Variants in ADGRA3 observed in about 807,000 individuals in gnomAD.
The protein encoded by ADGRA3 is adhesion G protein-coupled receptor A3, also known as G-protein coupled receptor 125.
ADGRA3 carries 56 observed loss-of-function variants against 119.8 expected under a neutral mutation model. The ratio of observed to expected loss-of-function variants is 0.47; its 90% CI spans 0.38 to 0.58. The LOEUF (loss-of-function observed/expected upper bound fraction) is 0.58. ADGRA3 is among the 20% of genes least tolerant of loss of function. The probability of loss-of-function intolerance (pLI) is 0.00; values close to 1 mark genes in which losing one functional copy is unlikely to be tolerated. For synonymous variants in ADGRA3, 607 were observed against 623.8 expected, an observed-to-expected ratio of 0.97 and a Z score of 0.40; for missense variants, 1,516 against 1,649.0, an observed-to-expected ratio of 0.92 and a Z score of 1.40.
At chr4:22,448,196 G>A (rs1161761933) in intron 4 of ADGRA3, among the ~76,000 whole-genome samples, 5 of 152,146 alleles carry the variant, frequency 3.3e-5, no homozygotes, top group East Asian at 1.9e-4. Flanking sequence ...CTTTCATACC[G>A]GACGATGAGC....
intron 11 of ADGRA3, among the ~76,000 whole-genome samples, chr4:22,423,126 C>T (rs796442397): frequency 3.3e-5 from 5 of 151,740 alleles, no homozygotes; most frequent in Non-Finnish European, 5.9e-5. Context: ...ACACGGGTGG[C>T]GGAGGCTGCA....
At chr4:22,448,450 CT>C (rs1716907576) in intron 4 of ADGRA3, among the ~76,000 whole-genome samples, 1 of 152,106 alleles carries the variant, frequency 6.6e-6, no homozygotes, top group Non-Finnish European at 1.5e-5. Flanking sequence ...ACCTAAAGTT[CT>C]AGAAATGAGG....
Position 22,482,532 on chromosome 4 carries a change from G to A in ADGRA3, c.258-8689C>T, listed in dbSNP as rs73114139. 6.6e-3 allele frequency among the ~76,000 whole-genome samples: 997 copies of A among 151,742 alleles called. 7 individuals carry two copies. Among genetic ancestry groups the A allele is most frequent in the African/African-American group, 0.023 (933 of 41,392 alleles). ...GTAAAGACAACAGCCAGGCATGGTA[G>A]TGTGAGCATGTAGTCCTGGCTCCTT... On this transcript the variant is annotated intron_variant, in intron 1 of 18. Transcript: ENST00000334304.
intron 15 of ADGRA3, 131 bp from the exon 16 acceptor site, chr4:22,401,685 A>G: frequency 3.5e-6 from 2 of 568,068 alleles, no homozygotes; most frequent in South Asian, 5.1e-5. Flanking sequence ...TAACAAACAT[A>G]TACTACCAGA....
intron 3 of ADGRA3, among the ~76,000 whole-genome samples, chr4:22,459,662 G>A (rs536262297): frequency 1.2e-4 from 18 of 151,512 alleles, no homozygotes; most frequent in African/African-American, 3.6e-4. Context: ...ACACACACTG[G>A]AGGCGGAAAA....
At chr4:22,425,470 A>G (rs1715893179) in intron 10 of ADGRA3, among the ~76,000 whole-genome samples, 1 of 152,222 alleles carries the variant, frequency 6.6e-6, no homozygotes, top group Admixed American at 6.5e-5. Context: ...TGAACCGTCT[A>G]GGGCTAATGA....
chr4:22,438,539 T>C (rs1296240081), intron 7 of ADGRA3, 119 bp from the exon 8 acceptor site: 4 of 725,094 alleles, frequency 5.5e-6, no homozygotes, highest in Non-Finnish European at 8.8e-6. Flanking sequence ...GGGTAAGCAC[T>C]TGCTATATAA....
At chr4:22,447,111 G>T (rs1033311733) in intron 5 of ADGRA3, among the ~76,000 whole-genome samples, 1 of 151,710 alleles carries the variant, frequency 6.6e-6, no homozygotes, top group Non-Finnish European at 1.5e-5. Flanking sequence ...CATAGGAAGG[G>T]TTATTTTATA....
intron 1 of ADGRA3, among the ~76,000 whole-genome samples, chr4:22,505,658 A>G (rs1332562397): frequency 6.6e-6 from 1 of 151,974 alleles, no homozygotes; most frequent in African/African-American, 2.4e-5. Context: ...AAAAAAAAAA[A>G]AAAAGAATTT....
In ADGRA3 at chr4:22,388,504, G is replaced by T. The variant is rs200161840; in HGVS notation, c.3167C>A (p.Ala1056Glu). Residue 1056 changes from alanine to glutamate, a missense_variant, in exon 19 of 19, where the codon GCG becomes GAG. Coordinates refer to ENST00000334304, the MANE Select transcript of ADGRA3 (RefSeq NM_145290.4). Reference protein sequence around the residue: ...HCVNREDVRLAWIMTCCPGRS... With the variant: ...HCVNREDVRLEWIMTCCPGRS... The stretch of plus-strand genomic sequence containing the variant: ...TCCTGGGCAGCAAGTCATGATCCAC[G>T]CAAGTCTAACATCCTCCCTATTAAC... The T allele has an allele frequency of 1.9e-6, 3 of 1,614,064 alleles. No homozygotes were observed. Among genetic ancestry groups the T allele is most frequent in the Non-Finnish European group, 2.5e-6 (3 of 1,179,988 alleles).
chr4:22,505,579 G>T (rs1211918166), intron 1 of ADGRA3, among the ~76,000 whole-genome samples: 1 of 151,726 alleles, frequency 6.6e-6, no homozygotes, highest in South Asian at 2.1e-4. Context: ...CCCGGGAGAC[G>T]GAGGTTGCAG....
chr4:22,508,824 A>G (rs942322548), intron 1 of ADGRA3, among the ~76,000 whole-genome samples: 9 of 152,180 alleles, frequency 5.9e-5, no homozygotes, highest in African/African-American at 1.9e-4. Context: ...CTTTTCTGCA[A>G]TCCCCAGTAG....
At chr4:22,428,749 T>A (rs187416512) in intron 10 of ADGRA3, among the ~76,000 whole-genome samples, 3 of 152,328 alleles carry the variant, frequency 2.0e-5, no homozygotes, top group Admixed American at 2.0e-4. Context: ...TTTAAAAGTG[T>A]ATTTGTCACT....
Position 22,436,560 on chromosome 4 carries a change from G to A in ADGRA3, c.1167C>T (p.Asn389=). 1 of 1,613,966 alleles carries A rather than the reference G, an allele frequency of 6.2e-7. No individual in the cohort carries two copies. The highest frequency in any genetic ancestry group is 8.5e-7 in the Non-Finnish European group (1 of 1,179,960). The change falls in exon 9 of 19, where the codon AAC becomes AAT. Residue 389 remains asparagine (N), a synonymous_variant. Transcript: ENST00000334304. ...NTHGSGIYPG[N]PQDERKAWRR... ...GCCAAGCTTTTCTCTCATCCTGTGG[G>A]TTTCCGGGATATATCCCACTGCCAT... is the stretch of plus-strand genomic sequence containing the variant.
chr4:22,495,337 T>G (rs73802837), intron 1 of ADGRA3, among the ~76,000 whole-genome samples: 4,816 of 151,992 alleles, frequency 0.032, 337 homozygotes, highest in African/African-American at 0.11. Context: ...ACATTGAGAG[T>G]CGGATCGCAG....
chr4:22,460,905 G>C (rs1056080144), intron 3 of ADGRA3, among the ~76,000 whole-genome samples: 1 of 152,212 alleles, frequency 6.6e-6, no homozygotes, highest in African/African-American at 2.4e-5. Context: ...AAAGGATGGA[G>C]AGACAGTCCT....
At chr4:22,431,155 C>T (rs1160674177) in intron 10 of ADGRA3, among the ~76,000 whole-genome samples, 4 of 152,106 alleles carry the variant, frequency 2.6e-5, no homozygotes, top group South Asian at 4.1e-4. Flanking sequence ...GGGGTCAGAG[C>T]GCCCACACAG....
At chr4:22,456,305 C>T (rs371053246) in intron 3 of ADGRA3, among the ~76,000 whole-genome samples, 4 of 152,202 alleles carry the variant, frequency 2.6e-5, no homozygotes, top group Middle Eastern at 3.4e-3. Context: ...TCTGTGAGGG[C>T]GTTTCCAGGG....
intron 12 of ADGRA3, among the ~76,000 whole-genome samples, chr4:22,416,319 A>G (rs929963309): frequency 6.6e-6 from 1 of 152,212 alleles, no homozygotes; most frequent in Non-Finnish European, 1.5e-5. Context: ...AATAAAGTAG[A>G]AAAATCTCTC....
Sources: allele counts gnomAD v4.1 joint callset (sites outside exome capture counted in the v4.1 genomes callset), GRCh38; gene constraint gnomAD v4.1.1; transcripts MANE v1.5; gene names NCBI Gene and HGNC (gene_info 2026-07-23, HGNC 2026-07-21).